The following LRP1B variants were observed in gnomAD, a reference collection of about 807,000 sequenced individuals.
The protein encoded by LRP1B is LDL receptor related protein 1B.
LRP1B carries 217 observed loss-of-function variants against 556.6 expected under a neutral mutation model. The observed-to-expected ratio is 0.39, with a 90% CI of 0.35 to 0.44. The LOEUF is 0.44. LRP1B is among the 20% of genes least tolerant of loss of function. The pLI is 1.00. For synonymous variants in LRP1B, 2,047 were observed against 1,865.8 expected, an observed-to-expected ratio of 1.10 and a Z score of -2.50; for missense variants, 5,053 against 5,620.8, an observed-to-expected ratio of 0.90 and a Z score of 3.23.
At chr2:140,895,111 T>C (rs1299526449) in intron 23 of LRP1B, among the ~76,000 whole-genome samples, 16 of 152,116 alleles carry the variant, frequency 1.1e-4, no homozygotes, top group East Asian at 1.9e-4. Flanking sequence ...AACACAGCCA[T>C]TATATTTATG....
At position 140,933,353 on chromosome 2, in the gene LRP1B, A is replaced by G. The variant is rs564979336; in HGVS notation, c.3137-10206T>C. Among the ~76,000 whole-genome samples, 15 of 152,254 alleles carry G rather than the reference A, an allele frequency of 9.9e-5. No individual in the cohort carries two copies. The East Asian group carries it at 2.1e-3, about 22-fold the overall frequency. ...CTTATTTCTTTATTATCACAAAAGC[A>G]GGGACATGTCTCATTACTGAGGAAT... On this transcript the variant is annotated intron_variant, in intron 20 of 90. Transcript: ENST00000389484.
At chr2:141,494,087 G>T (rs900476366) in intron 2 of LRP1B, among the ~76,000 whole-genome samples, 1 of 152,128 alleles carries the variant, frequency 6.6e-6, no homozygotes, top group African/African-American at 2.4e-5. Context: ...CATGACAGTT[G>T]CTACGTCTTC....
intron 52 of LRP1B, among the ~76,000 whole-genome samples, chr2:140,508,987 T>C (rs931829021): frequency 6.6e-6 from 1 of 151,838 alleles, no homozygotes; most frequent in Non-Finnish European, 1.5e-5. Context: ...ATAGTATGAG[T>C]TCTGTGCAAA....
At chr2:140,832,396 A>T (rs1691748129) in intron 31 of LRP1B, among the ~76,000 whole-genome samples, 1 of 152,192 alleles carries the variant, frequency 6.6e-6, no homozygotes, top group African/African-American at 2.4e-5. Context: ...CGATCCAGCA[A>T]TCTCACTGCT....
At chr2:140,879,984 AT>A (rs1693424180) in intron 25 of LRP1B, among the ~76,000 whole-genome samples, 1 of 151,880 alleles carries the variant, frequency 6.6e-6, no homozygotes, top group African/African-American at 2.4e-5. Context: ...TATCTGTAAT[AT>A]TCAGTTCTAA....
At chr2:140,402,694 C>A (rs1053357352) in intron 66 of LRP1B, among the ~76,000 whole-genome samples, 1 of 152,164 alleles carries the variant, frequency 6.6e-6, no homozygotes, top group Non-Finnish European at 1.5e-5. Flanking sequence ...CTCAGTGTGT[C>A]TAATTGAGAG....
At chr2:141,292,694 A>G (rs975238741) in intron 3 of LRP1B, among the ~76,000 whole-genome samples, 3 of 152,166 alleles carry the variant, frequency 2.0e-5, no homozygotes, top group African/African-American at 7.2e-5. Context: ...AAATCATCAG[A>G]CAATTTTCAG....
At chr2:141,661,668 C>G (rs1690224769) in intron 2 of LRP1B, among the ~76,000 whole-genome samples, 1 of 152,146 alleles carries the variant, frequency 6.6e-6, no homozygotes, top group Non-Finnish European at 1.5e-5. Flanking sequence ...CCTGCAAGAA[C>G]TATGGAGTTA....
rs200073946 is a variant in LRP1B at position 141,937,407 on chromosome 2, AT to A, written c.83-127007del. ...CTCAAAAAATAATAATAATAATAAA[AT>A]AAAAAATAAAAATATAACATGTACT... On this transcript the variant is annotated intron_variant, in intron 1 of 90. Coordinates refer to ENST00000389484, the MANE Select transcript of LRP1B (RefSeq NM_018557.3). 3.5e-3 allele frequency among the ~76,000 whole-genome samples: 522 copies of A among 151,014 alleles called. 2 individuals are homozygous for A. The highest frequency in any genetic ancestry group is 6.7e-3 in the Admixed American group (101 of 15,172).
At chr2:141,322,212 G>A (rs1687267082) in intron 3 of LRP1B, among the ~76,000 whole-genome samples, 1 of 152,072 alleles carries the variant, frequency 6.6e-6, no homozygotes, top group Non-Finnish European at 1.5e-5. Context: ...GACAAGAGAG[G>A]ACAGACGTAC....
chr2:141,699,344 TG>T (rs1691851609), intron 2 of LRP1B, among the ~76,000 whole-genome samples: 1 of 151,852 alleles, frequency 6.6e-6, no homozygotes, highest in South Asian at 2.1e-4. Context: ...TAGCATTCTC[TG>T]TGTTACAGTT....
At chr2:141,184,724 G>T (rs1055084571) in intron 7 of LRP1B, among the ~76,000 whole-genome samples, 3 of 150,010 alleles carry the variant, frequency 2.0e-5, no homozygotes, top group Non-Finnish European at 3.0e-5. Context: ...TTTTATTATA[G>T]GTGCCTCAGC....
intron 2 of LRP1B, among the ~76,000 whole-genome samples, chr2:141,678,647 CA>C (rs1558799368): frequency 1.2e-4 from 18 of 152,176 alleles, no homozygotes; most frequent in Non-Finnish European, 2.6e-4. Context: ...AATTAGTATT[CA>C]GAACACTCAA....
At chr2:141,409,782 G>T (rs1174669097) in intron 3 of LRP1B, among the ~76,000 whole-genome samples, 1 of 152,058 alleles carries the variant, frequency 6.6e-6, no homozygotes, top group Non-Finnish European at 1.5e-5. Flanking sequence ...TATGCGAGGG[G>T]AGATGTAATT....
chr2:141,540,291 T>TA (rs1482410854), intron 2 of LRP1B, among the ~76,000 whole-genome samples: 2 of 143,764 alleles, frequency 1.4e-5, no homozygotes, highest in East Asian at 2.0e-4. Flanking sequence ...TCATTTTTGT[T>TA]AAAAAACAAA....
intron 5 of LRP1B, among the ~76,000 whole-genome samples, chr2:141,233,635 C>G (rs1257035609): frequency 6.6e-6 from 1 of 151,974 alleles, no homozygotes; most frequent in Non-Finnish European, 1.5e-5. Flanking sequence ...CAAAAATATA[C>G]TAAAAGTGGA....
chr2:140,672,482 T>TAAAAAAAAAAA (rs55884730), intron 41 of LRP1B, among the ~76,000 whole-genome samples: 46 of 81,566 alleles, frequency 5.6e-4, no homozygotes, highest in African/African-American at 2.2e-3. Context: ...AGACTCCATC[T>TAAAAAAAAAAA]AAAAAAAAAA....
At position 141,959,604 on chromosome 2, in the gene LRP1B, T is replaced by C. The variant is rs186976318; in HGVS notation, c.83-149203A>G. 3.9e-5 allele frequency among the ~76,000 whole-genome samples: 6 copies of C among 152,092 alleles called. No homozygotes were observed. In the East Asian group the frequency reaches 1.2e-3, roughly 30 times the overall value. On this transcript the variant is annotated intron_variant, in intron 1 of 90. Transcript: ENST00000389484. ...AACACATAGATAACTTTACATTTTC[T>C]GAAATTATCGTATTAACACAGGTAA...
chr2:142,091,868 A>G (rs75131260), intron 1 of LRP1B, among the ~76,000 whole-genome samples: 2 of 152,192 alleles, frequency 1.3e-5, no homozygotes, highest in African/African-American at 4.8e-5. Context: ...CAGAAAATCG[A>G]TGAAAGATTT....
Sources: gnomAD v4.1 joint callset for allele counts (sites outside exome capture counted in the v4.1 genomes callset) on GRCh38, gnomAD v4.1.1 for gene constraint, MANE v1.5 for transcripts, NCBI Gene and HGNC (gene_info 2026-07-23, HGNC 2026-07-21) for gene names.